Variants in STXBP4 observed in about 807,000 individuals in gnomAD.
The protein encoded by STXBP4 is syntaxin-binding protein 4.
In STXBP4, 55 loss-of-function variants were observed where a neutral mutation model predicts 76.1. That is an observed-to-expected ratio of 0.72 (90% CI 0.58 to 0.91). The LOEUF is 0.91. Among genes scored for constraint, STXBP4 ranks in the 40% least tolerant of loss-of-function variants. The probability of loss-of-function intolerance (pLI) is 0.00; values close to 1 mark genes in which losing one functional copy is unlikely to be tolerated. For synonymous variants in STXBP4, 201 were observed against 220.2 expected (o/e 0.91, Z 0.77); for missense variants, 618 against 636.9 (o/e 0.97, Z 0.32).
In STXBP4 at chr17:55,170,123, T is replaced by C. The variant is rs1164056126; in HGVS notation, c.*10212T>C. ...CATTCTGGAAAGCAGTCTTGGAACATCTATCAAAGGCCTTAAAAATTTCTT... is the reference window on the plus strand; with the variant it reads ...CATTCTGGAAAGCAGTCTTGGAACACCTATCAAAGGCCTTAAAAATTTCTT... On this transcript the variant is annotated 3_prime_UTR_variant, in exon 18 of 18. Transcript: ENST00000376352. 1 of 152,198 alleles carries C rather than the reference T, an allele frequency of 6.6e-6. No homozygotes were observed. Among genetic ancestry groups the C allele is most frequent in the Non-Finnish European group, 1.5e-5 (1 of 68,026 alleles). 9.4% of individuals were successfully genotyped at this position (152,198 alleles called of 1,614,324 possible). A position where few individuals can be genotyped will look rare whatever the true frequency, so the allele number is the denominator to read the frequency against.
the STXBP4 span, among the ~76,000 whole-genome samples, chr17:55,180,915 G>C: frequency 3.9e-5 from 6 of 152,176 alleles, no homozygotes; most frequent in Non-Finnish European, 7.4e-5. Flanking sequence ...ATTCCTTTTA[G>C]ATTCCTATTC....
chr17:54,975,909 G>A (rs2077466727), intron 1 of STXBP4, among the ~76,000 whole-genome samples: 1 of 152,092 alleles, frequency 6.6e-6, no homozygotes, highest in Non-Finnish European at 1.5e-5. Flanking sequence ...GATCTTAGCT[G>A]GGACACCCTC....
At chr17:55,120,973 C>T (rs1281353444) in intron 16 of STXBP4, among the ~76,000 whole-genome samples, 1 of 152,116 alleles carries the variant, frequency 6.6e-6, no homozygotes, top group Non-Finnish European at 1.5e-5. Context: ...TTAGTTTTTG[C>T]AACATAAACA....
chr17:55,053,762 C>T (rs2078890687), intron 12 of STXBP4, among the ~76,000 whole-genome samples: 1 of 151,972 alleles, frequency 6.6e-6, no homozygotes, highest in Non-Finnish European at 1.5e-5. Context: ...GTTTATATGG[C>T]CAGATCTTTT....
chr17:55,026,134 A>G (rs1454837970), intron 8 of STXBP4, among the ~76,000 whole-genome samples: 2 of 152,196 alleles, frequency 1.3e-5, no homozygotes, highest in Admixed American at 1.3e-4. Context: ...AAATGGAAAG[A>G]CGTGTTGTGC....
At chr17:55,105,047 A>G (rs2079613910) in intron 16 of STXBP4, among the ~76,000 whole-genome samples, 1 of 151,978 alleles carries the variant, frequency 6.6e-6, no homozygotes, top group African/African-American at 2.4e-5. Context: ...TGGTCTATCT[A>G]TTTTGTTAAT....
chr17:55,175,576 G>A (rs937478502), downstream of STXBP4, among the ~76,000 whole-genome samples: 1 of 152,006 alleles, frequency 6.6e-6, no homozygotes, highest in Non-Finnish European at 1.5e-5. Flanking sequence ...GATATGTGGT[G>A]AGGGGTCAAA....
chr17:55,086,870 A>T (rs1442951727), intron 16 of STXBP4, among the ~76,000 whole-genome samples: 1 of 152,122 alleles, frequency 6.6e-6, no homozygotes, highest in African/African-American at 2.4e-5. Flanking sequence ...TTACTAGTTT[A>T]CATTCCCACC....
Position 54,999,334 on chromosome 17 carries a change from G to A in STXBP4, c.181-11G>A. On this transcript the variant is annotated splice_polypyrimidine_tract_variant and intron_variant, in intron 4 of 17. Coordinates refer to ENST00000376352, the MANE Select transcript of STXBP4 (RefSeq NM_178509.6). Reference sequence around the variant, plus strand: ...CATTAGTTCCTTTATAAATGTTACTGTTTTTGTTAGGATGGTCGTTTGAAG... The same window carrying A: ...CATTAGTTCCTTTATAAATGTTACTATTTTTGTTAGGATGGTCGTTTGAAG... 2 of 1,597,030 alleles carry A rather than the reference G, an allele frequency of 1.3e-6. No homozygotes were observed. Among genetic ancestry groups the A allele is most frequent in the South Asian group, 1.1e-5 (1 of 88,368 alleles).
In STXBP4 at chr17:55,164,027, G is replaced by A. The variant is rs983934896; in HGVS notation, c.*4116G>A. 2 of 152,556 alleles carry A rather than the reference G, an allele frequency of 1.3e-5. No homozygotes were observed. The highest frequency in any genetic ancestry group is 4.8e-5 in the African/African-American group (2 of 41,416). The allele number at this position is 152,556 out of a possible 1,614,324, so 9.5% of individuals were successfully genotyped here. On this transcript the variant is annotated 3_prime_UTR_variant, in exon 18 of 18. Coordinates refer to ENST00000376352, the MANE Select transcript of STXBP4 (RefSeq NM_178509.6). ...ATGCAACTTTTTGAAGAATCAACAC[G>A]CTTGACATTTTTACAATGTACATAA...
At chr17:55,058,139 C>T (rs556836302) in intron 12 of STXBP4, among the ~76,000 whole-genome samples, 6 of 152,272 alleles carry the variant, frequency 3.9e-5, no homozygotes, top group African/African-American at 1.4e-4. Context: ...CACTGTCTTC[C>T]ACAATGGTTG....
chr17:55,191,235 G>A, the STXBP4 span, among the ~76,000 whole-genome samples: 4 of 152,048 alleles, frequency 2.6e-5, no homozygotes, highest in East Asian at 1.9e-4. Flanking sequence ...TCTGATTTTC[G>A]CTTTACTGAT....
Position 55,173,546 on chromosome 17 carries a change from C to G in STXBP4, c.*13635C>G, listed in dbSNP as rs2080417654. ...TATAGTTCATTGTATGGATATACCA[C>G]AGTTTCTTTAGCCATTCACCCACTG... On this transcript the variant is annotated 3_prime_UTR_variant, in exon 18 of 18. Transcript: ENST00000376352. 6.6e-6 allele frequency: 1 copy of G among 152,172 alleles called. No homozygotes were observed. The highest frequency in any genetic ancestry group is 2.1e-4 in the South Asian group (1 of 4,826). The allele number at this position is 152,172 out of a possible 1,614,324, so 9.4% of individuals were successfully genotyped here. A position where few individuals can be genotyped will look rare whatever the true frequency, so the allele number is the denominator to read the frequency against.
At chr17:55,087,755 T>A (rs1391612558) in intron 16 of STXBP4, among the ~76,000 whole-genome samples, 32 of 152,248 alleles carry the variant, frequency 2.1e-4, no homozygotes, top group Non-Finnish European at 8.8e-5. Context: ...AATTTTAGAA[T>A]TTTTTTCTGT....
chr17:54,988,476 AAAG>A (rs1323350378), intron 3 of STXBP4, among the ~76,000 whole-genome samples: 1 of 152,148 alleles, frequency 6.6e-6, no homozygotes, highest in Non-Finnish European at 1.5e-5. Flanking sequence ...ACCATCCTGT[AAAG>A]AAGGGATTTA....
chr17:55,194,953 C>A, the STXBP4 span, among the ~76,000 whole-genome samples: 1 of 152,196 alleles, frequency 6.6e-6, no homozygotes, highest in African/African-American at 2.4e-5. Flanking sequence ...ACCTAGACAT[C>A]AAGTACTCAT....
intron 12 of STXBP4, among the ~76,000 whole-genome samples, chr17:55,049,501 A>T (rs1471447387): frequency 6.6e-6 from 1 of 152,010 alleles, no homozygotes; most frequent in Non-Finnish European, 1.5e-5. Context: ...GTAGCAGTCA[A>T]TAAATATTTA....
chr17:55,047,185 C>CGTGTGTGTGTGT lies in STXBP4; in HGVS notation c.1011+53_1011+64dup, dbSNP rs34336794. On this transcript the variant is annotated intron_variant, in intron 12 of 17. Transcript: ENST00000376352. ...TATATGTATTGTGTATATATGTGCT[C>CGTGTGTGTGTGT]GTGTGTGTGTGTGTGTGTGTGTGTG... 1,920 of 807,920 alleles carry CGTGTGTGTGTGT rather than the reference C, an allele frequency of 2.4e-3. 26 individuals are homozygous for CGTGTGTGTGTGT. In the African/African-American group the frequency reaches 0.026, roughly 11 times the overall value. 50.0% of individuals were successfully genotyped at this position (807,920 alleles called of 1,614,324 possible). A position where few individuals can be genotyped will look rare whatever the true frequency, so the allele number is the denominator to read the frequency against.
chr17:55,179,572 G>A, the STXBP4 span, among the ~76,000 whole-genome samples: 82 of 152,186 alleles, frequency 5.4e-4, 1 homozygote, highest in African/African-American at 1.9e-3. Flanking sequence ...CATATACATG[G>A]ATTTTCTCCT....
Sources: allele counts gnomAD v4.1 joint callset (sites outside exome capture counted in the v4.1 genomes callset), GRCh38; gene constraint gnomAD v4.1.1; transcripts MANE v1.5; gene names NCBI Gene and HGNC (gene_info 2026-07-23, HGNC 2026-07-21).